Variants in DYNC1I2 observed in about 807,000 individuals in gnomAD.
DYNC1I2 encodes the protein cytoplasmic dynein 1 intermediate chain 2.
In DYNC1I2, 53 loss-of-function variants were observed where a neutral mutation model predicts 88.6. That is an observed-to-expected ratio of 0.60 (90% CI 0.48 to 0.75). The LOEUF is 0.75. DYNC1I2 is among the 30% of genes least tolerant of loss of function. DYNC1I2 has a pLI of 0.00. For synonymous variants in DYNC1I2, 198 were observed against 254.6 expected (o/e 0.78, Z 2.12); for missense variants, 458 against 766.6 (o/e 0.60, Z 4.75).
At position 171,728,289 on chromosome 2, in the gene DYNC1I2, T is replaced by C. The variant is rs1688379424; in HGVS notation, c.1144-16T>C. The C allele has an allele frequency of 6.7e-7, 1 of 1,485,026 alleles. No homozygotes were observed. Among genetic ancestry groups the C allele is most frequent in the Non-Finnish European group, 9.0e-7 (1 of 1,109,846 alleles). The allele number at this position is 1,485,026 out of a possible 1,614,324, so 92.0% of individuals were successfully genotyped here. A position where few individuals can be genotyped will look rare whatever the true frequency, so the allele number is the denominator to read the frequency against. ...TTGGTACAATAATCCCTGAAAACTT[T>C]TTTTAATATCTCTAGCACCCTGTAT... is the stretch of plus-strand genomic sequence containing the variant. On this transcript the variant is annotated splice_polypyrimidine_tract_variant and intron_variant, in intron 12 of 17. Coordinates refer to ENST00000397119, the MANE Select transcript of DYNC1I2 (RefSeq NM_001378.3).
In DYNC1I2 at chr2:171,704,837, A is replaced by G. The variant is rs1322193030; in HGVS notation, c.227-1710A>G. The stretch of plus-strand genomic sequence containing the variant: ...TTCTAGATTAATTGGATTAAAATGT[A>G]GCAGTTACCAAATAACACTATCATT... On this transcript the variant is annotated intron_variant, in intron 3 of 17. Transcript: ENST00000397119. Among the ~76,000 whole-genome samples the G allele has an allele frequency of 3.9e-5, 6 of 152,312 alleles. No homozygotes were observed. The South Asian group carries it at 8.3e-4, about 21-fold the overall frequency.
At chr2:171,717,810 T>C (rs1324225726) in intron 7 of DYNC1I2, among the ~76,000 whole-genome samples, 1 of 152,188 alleles carries the variant, frequency 6.6e-6, no homozygotes, top group Non-Finnish European at 1.5e-5. Flanking sequence ...TTTTTCTTCA[T>C]CTGATAATTT....
intron 7 of DYNC1I2, 143 bp from the exon 8 acceptor site, chr2:171,725,475 A>C (rs1182145350): frequency 2.1e-5 from 12 of 558,222 alleles, no homozygotes; most frequent in Middle Eastern, 9.4e-4. Flanking sequence ...CTGTCCGGTC[A>C]GTGGTTTACT....
Position 171,745,813 on chromosome 2 carries a change from C to T in DYNC1I2, c.1689C>T (p.Ala563=). The T allele has an allele frequency of 6.2e-7, 1 of 1,613,164 alleles. No homozygotes were observed. Among genetic ancestry groups the T allele is most frequent in the Admixed American group, 1.7e-5 (1 of 59,968 alleles). Residue 563 remains alanine (A), a synonymous_variant, in exon 17 of 18, where the codon GCC becomes GCT. Transcript: ENST00000397119. The part of the protein sequence containing the change: ...NLNNDTEVPT[A]SISVEGNPAL... ...TTAAATGACTTTAGGTACCAACTGC[C>T]AGCATTTCTGTGGAGGGTAATCCTG...
At chr2:171,739,448 A>C (rs1039672652) in intron 15 of DYNC1I2, among the ~76,000 whole-genome samples, 3 of 152,074 alleles carry the variant, frequency 2.0e-5, no homozygotes, top group African/African-American at 7.2e-5. Context: ...AATCTTGTCT[A>C]TACATAACCT....
In DYNC1I2 at chr2:171,747,792, G is replaced by T; in HGVS notation, c.1820G>T (p.Arg607Leu). The change falls in exon 18 of 18, where the codon CGC becomes CTC. Residue 607 changes from arginine to leucine, a missense_variant. Arg to Leu is a moderately radical substitution (Grantham distance 102). Coordinates refer to ENST00000397119, the MANE Select transcript of DYNC1I2 (RefSeq NM_001378.3). ...TTTTAACAGCAGATTGCTGTTCCCC[G>T]CAATGATGAATGGGCACGGTTTGGC... ...YDVGEQIAVP[R>L]NDEWARFGRT... is the part of the protein sequence containing the mutation. 1 of 1,609,508 alleles carries T rather than the reference G, an allele frequency of 6.2e-7. No individual in the cohort carries two copies. Among genetic ancestry groups the T allele is most frequent in the South Asian group, 1.1e-5 (1 of 90,268 alleles).
intron 4 of DYNC1I2, 177 bp from the exon 5 acceptor site, chr2:171,707,110 T>G: frequency 3.5e-6 from 3 of 861,928 alleles, no homozygotes; most frequent in African/African-American, 1.7e-5. Context: ...ATTGTTAACT[T>G]TTTGTCTTTT....
At chr2:171,727,204 TTTATAAA>T (rs950487504) in intron 11 of DYNC1I2, among the ~76,000 whole-genome samples, 5 of 152,146 alleles carry the variant, frequency 3.3e-5, no homozygotes, top group African/African-American at 1.2e-4. Context: ...AAAGGAATCT[TTTATAAA>T]ATGTCTTTCC....
At chr2:171,710,512 G>A (rs535464250) in intron 5 of DYNC1I2, among the ~76,000 whole-genome samples, 2 of 152,258 alleles carry the variant, frequency 1.3e-5, no homozygotes, top group East Asian at 1.9e-4. Context: ...GTCTAAACAT[G>A]TTTGAATCAC....
Position 171,748,047 on chromosome 2 carries a change from A to G in DYNC1I2, c.*158A>G, listed in dbSNP as rs1689920820. The G allele has an allele frequency of 3.9e-6, 2 of 513,598 alleles. No homozygotes were observed. The highest frequency in any genetic ancestry group is 3.9e-5 in the African/African-American group (2 of 51,356). 31.8% of individuals were successfully genotyped at this position (513,598 alleles called of 1,614,324 possible). A position where few individuals can be genotyped will look rare whatever the true frequency, so the allele number is the denominator to read the frequency against. On this transcript the variant is annotated 3_prime_UTR_variant, in exon 18 of 18. Coordinates refer to ENST00000397119, the MANE Select transcript of DYNC1I2 (RefSeq NM_001378.3). The stretch of plus-strand genomic sequence containing the variant: ...AAGGAAACTTACAATGTCCCTTTAT[A>G]TATAACATGCATCTTGTTTTGGATT...
intron 3 of DYNC1I2, among the ~76,000 whole-genome samples, chr2:171,702,671 G>A (rs1201093894): frequency 6.7e-6 from 1 of 149,552 alleles, no homozygotes; most frequent in African/African-American, 2.5e-5. Context: ...AAAAACAATT[G>A]GTTTAAAGAA....
chr2:171,728,107 A>G, intron 12 of DYNC1I2, 140 bp downstream of exon 12: 1 of 1,126,608 alleles, frequency 8.9e-7, no homozygotes, highest in Non-Finnish European at 1.2e-6. Context: ...ACCAAGAATG[A>G]AGGCTATTTT....
At chr2:171,718,880 CAAA>C (rs943478386) in intron 7 of DYNC1I2, among the ~76,000 whole-genome samples, 21 of 152,266 alleles carry the variant, frequency 1.4e-4, no homozygotes, top group African/African-American at 3.6e-4. Flanking sequence ...TGTTTACACA[CAAA>C]GAAGCTGAAA....
intron 3 of DYNC1I2, among the ~76,000 whole-genome samples, chr2:171,699,948 TTTC>T (rs2105499599): frequency 6.6e-6 from 1 of 152,286 alleles, no homozygotes; most frequent in East Asian, 1.9e-4. Flanking sequence ...AGATTTTCTA[TTTC>T]TTCTTATGTC....
rs772520785 is a variant in DYNC1I2, at chr2:171,690,308, G to A, written c.108+45G>A. ...TTAAATAAACAACATAAAGTAATTGGGTTTTATTTCACATATTTATATATT... is the reference window on the plus strand; with the variant it reads ...TTAAATAAACAACATAAAGTAATTGAGTTTTATTTCACATATTTATATATT... On this transcript the variant is annotated intron_variant, in intron 2 of 17. Transcript: ENST00000397119. 33 of 1,367,304 alleles carry A rather than the reference G, an allele frequency of 2.4e-5. No individual in the cohort carries two copies. The African/African-American group carries it at 4.1e-4, about 17-fold the overall frequency. 84.7% of individuals were successfully genotyped at this position (1,367,304 alleles called of 1,614,324 possible). A position where few individuals can be genotyped will look rare whatever the true frequency, so the allele number is the denominator to read the frequency against.
chr2:171,706,756 G>C lies in DYNC1I2; in HGVS notation c.244+192G>C, dbSNP rs1468157117. ...TCTCTAAATTGATATCTTTTTTTGG[G>C]GGGGAGGCAGTGAAATCATTTTAAA... On this transcript the variant is annotated intron_variant, in intron 4 of 17. Transcript: ENST00000397119. 6 of 481,470 alleles carry C rather than the reference G, an allele frequency of 1.2e-5. No individual in the cohort carries two copies. The South Asian group carries it at 2.3e-4, about 19-fold the overall frequency. The allele number at this position is 481,470 out of a possible 1,614,324, so 29.8% of individuals were successfully genotyped here.
At position 171,747,832 on chromosome 2, in the gene DYNC1I2, A is replaced by C; in HGVS notation, c.1860A>C (p.Glu620Asp). 6.2e-7 allele frequency: 1 copy of C among 1,611,408 alleles called. No individual in the cohort carries two copies. Among genetic ancestry groups the C allele is most frequent in the Non-Finnish European group, 8.5e-7 (1 of 1,179,508 alleles). The stretch of plus-strand genomic sequence containing the variant: ...CACGGTTTGGCCGAACACTTGCAGA[A>C]ATTAATGCAAACCGAGCTGATGCAG... ...EWARFGRTLA[E>D]INANRADAEE... Residue 620 changes from glutamate to aspartate, a missense_variant, in exon 18 of 18, where the codon GAA becomes GAC. By Grantham distance (45) the Glu-to-Asp change is conservative (BLOSUM62 2). This residue lies in a region of DYNC1I2 where 188 missense variants were observed against 300.4 expected (regional missense o/e 0.63). Coordinates refer to ENST00000397119, the MANE Select transcript of DYNC1I2 (RefSeq NM_001378.3).
intron 3 of DYNC1I2, among the ~76,000 whole-genome samples, chr2:171,698,559 T>A (rs922122561): frequency 3.3e-5 from 5 of 152,030 alleles, no homozygotes; most frequent in Non-Finnish European, 7.4e-5. Context: ...AGCTAATTTT[T>A]AAATTTTTAG....
intron 3 of DYNC1I2, among the ~76,000 whole-genome samples, chr2:171,698,222 C>G (rs980110426): frequency 6.6e-6 from 1 of 152,172 alleles, no homozygotes; most frequent in Admixed American, 6.5e-5. Context: ...ATTCTTTCTG[C>G]ATTTATTGGC....
Sources: gnomAD v4.1 joint callset for allele counts (sites outside exome capture counted in the v4.1 genomes callset) on GRCh38, gnomAD v4.1.1 for gene constraint, gnomAD v4.1.1 regional missense constraint, MANE v1.5 for transcripts, NCBI Gene and HGNC (gene_info 2026-07-23, HGNC 2026-07-21) for gene names.